Variants in WBP2NL observed in about 807,000 individuals in gnomAD.
WBP2NL encodes postacrosomal sheath WW domain-binding protein.
WBP2NL carries 27 observed loss-of-function variants against 23.3 expected under a neutral mutation model. That is an observed-to-expected ratio of 1.16 (90% CI 0.85 to 1.60). The LOEUF is 1.60. WBP2NL is among the 40% of genes most tolerant of loss of function. The pLI, the probability that WBP2NL is intolerant of heterozygous loss-of-function variation, is 0.00. For missense variants in WBP2NL, 370 were observed against 389.5 expected, an observed-to-expected ratio of 0.95 and a Z score of 0.42; for synonymous variants, 151 against 145.9, an observed-to-expected ratio of 1.03 and a Z score of -0.25.
At chr22:42,026,618 A>G (rs1602466789) in intron 5 of WBP2NL, 148 bp from the exon 6 acceptor site, 1 of 1,295,100 alleles carries the variant, frequency 7.7e-7, no homozygotes, top group Non-Finnish European at 1.1e-6. Flanking sequence ...TCAATTGGTG[A>G]TAGCTAGAGG....
chr22:42,017,435 C>T (rs1003897925), intron 1 of WBP2NL, among the ~76,000 whole-genome samples: 4 of 152,168 alleles, frequency 2.6e-5, no homozygotes, highest in Non-Finnish European at 5.9e-5. Context: ...TCTTAATCAG[C>T]TCAAATTGCA....
intron 1 of WBP2NL, among the ~76,000 whole-genome samples, chr22:42,006,670 T>C (rs536160244): frequency 8.5e-5 from 13 of 152,380 alleles, no homozygotes; most frequent in African/African-American, 2.4e-4. Flanking sequence ...GCTTGTGTCA[T>C]AGCTTACTAA....
chr22:42,032,526 C>T (rs935628325), downstream of WBP2NL: 4 of 251,828 alleles, frequency 1.6e-5, no homozygotes, highest in Non-Finnish European at 3.3e-5. Context: ...ACTTGGCTTT[C>T]CTTGCCTAGC....
At chr22:42,019,518 G>T in intron 2 of WBP2NL, 99 bp downstream of exon 2, 1 of 1,537,574 alleles carries the variant, frequency 6.5e-7, no homozygotes, top group Non-Finnish European at 8.9e-7. Context: ...GTTTTTAAAC[G>T]TGCGCTTTGG....
intron 1 of WBP2NL, 91 bp from the exon 2 acceptor site, chr22:42,019,220 C>CAAAAA: frequency 2.9e-6 from 3 of 1,031,222 alleles, no homozygotes; most frequent in Non-Finnish European, 4.2e-6. Flanking sequence ...GACTCTGTCT[C>CAAAAA]AAAAAAAAAA....
intron 1 of WBP2NL, among the ~76,000 whole-genome samples, chr22:42,018,022 C>T (rs1052307718): frequency 6.6e-5 from 10 of 151,704 alleles, no homozygotes; most frequent in African/African-American, 1.9e-4. Flanking sequence ...TGGTGGCAGG[C>T]GACTTAATCC....
At chr22:42,014,736 G>T (rs748917128) in intron 1 of WBP2NL, among the ~76,000 whole-genome samples, 105 of 152,096 alleles carry the variant, frequency 6.9e-4, no homozygotes, top group Non-Finnish European at 1.4e-3. Context: ...TGCCAAAATT[G>T]GCTGTTGAGC....
chr22:42,046,293 G>A (rs1178105653), intron 8 of WBP2NL, among the ~76,000 whole-genome samples: 1 of 152,186 alleles, frequency 6.6e-6, no homozygotes, highest in African/African-American at 2.4e-5. Context: ...AATCTTTACT[G>A]TTTCTAAATT....
At chr22:42,002,008 G>A (rs552722765) in intron 1 of WBP2NL, 26 of 782,932 alleles carry the variant, frequency 3.3e-5, no homozygotes, top group Non-Finnish European at 3.7e-5. Context: ...GGACTGGTCC[G>A]AGAATCGGCT....
At chr22:42,011,478 C>T (rs1922813014) in intron 1 of WBP2NL, among the ~76,000 whole-genome samples, 1 of 152,092 alleles carries the variant, frequency 6.6e-6, no homozygotes, top group Non-Finnish European at 1.5e-5. Flanking sequence ...GTCGGAAACT[C>T]CTGGCCTCGA....
At chr22:42,006,973 G>A (rs1247783900) in intron 1 of WBP2NL, among the ~76,000 whole-genome samples, 1 of 152,120 alleles carries the variant, frequency 6.6e-6, no homozygotes, top group Non-Finnish European at 1.5e-5. Flanking sequence ...AGAAAAATCA[G>A]AAGAAAAAAT....
At chr22:42,046,774 C>T (rs1195377356) in intron 8 of WBP2NL, among the ~76,000 whole-genome samples, 2 of 151,840 alleles carry the variant, frequency 1.3e-5, no homozygotes, top group African/African-American at 4.9e-5. Context: ...GATGGATAAA[C>T]TTGCTGGTGT....
intron 1 of WBP2NL, among the ~76,000 whole-genome samples, chr22:42,008,770 G>C (rs1922534631): frequency 6.6e-6 from 1 of 151,528 alleles, no homozygotes; most frequent in Non-Finnish European, 1.5e-5. Context: ...ACCACACCTG[G>C]CTAATTTTTT....
chr22:42,015,012 C>G (rs2146777565), intron 1 of WBP2NL, among the ~76,000 whole-genome samples: 1 of 152,306 alleles, frequency 6.6e-6, no homozygotes, highest in African/African-American at 2.4e-5. Flanking sequence ...TGTGTATTCC[C>G]ATACTTTCTT....
chr22:42,007,049 A>G (rs1419003898), intron 1 of WBP2NL, among the ~76,000 whole-genome samples: 2 of 152,234 alleles, frequency 1.3e-5, no homozygotes, highest in Non-Finnish European at 2.9e-5. Flanking sequence ...ACTTTTCCAC[A>G]TGGAAATAAA....
intron 1 of WBP2NL, among the ~76,000 whole-genome samples, chr22:42,013,522 A>G (rs752519469): frequency 6.6e-6 from 1 of 152,212 alleles, no homozygotes; most frequent in Non-Finnish European, 1.5e-5. Flanking sequence ...ATTATAATGC[A>G]TGTCAGTGTG....
intron 1 of WBP2NL, among the ~76,000 whole-genome samples, chr22:42,015,734 G>A (rs1923247490): frequency 6.6e-6 from 1 of 152,078 alleles, no homozygotes; most frequent in South Asian, 2.1e-4. Flanking sequence ...TCAATCAGAG[G>A]TGAAAGCTTA....
intron 8 of WBP2NL, among the ~76,000 whole-genome samples, chr22:42,049,701 AAAAC>A (rs1274106085): frequency 0.074 from 3,092 of 41,540 alleles, 256 homozygotes; most frequent in African/African-American, 0.15. Flanking sequence ...AAAACAAAAC[AAAAC>A]AAAAAAAAAA....
intron 8 of WBP2NL, among the ~76,000 whole-genome samples, chr22:42,048,778 A>G (rs942891687): frequency 2.0e-5 from 3 of 151,524 alleles, no homozygotes; most frequent in African/African-American, 7.3e-5. Context: ...AAGAAAAGAA[A>G]AAAAAGAAAC....
Sources: allele counts gnomAD v4.1 joint callset (sites outside exome capture counted in the v4.1 genomes callset), GRCh38; gene constraint gnomAD v4.1.1; transcripts MANE v1.5; gene names NCBI Gene and HGNC (gene_info 2026-07-23, HGNC 2026-07-21).